The following PCDH9 variants were observed in gnomAD, a reference collection of about 807,000 sequenced individuals.
PCDH9 encodes the protein protocadherin-9.
In PCDH9, 24 loss-of-function variants were observed where a neutral mutation model predicts 70.6. The ratio of observed to expected loss-of-function variants is 0.34; its 90% CI spans 0.25 to 0.48. The LOEUF is 0.48. Ranked by LOEUF, PCDH9 falls within the 20% of genes least tolerant of loss-of-function variation. The pLI, the probability that PCDH9 is intolerant of heterozygous loss-of-function variation, is 0.99. For missense variants in PCDH9, 1,281 were observed against 1,503.6 expected (o/e 0.85, Z 2.45); for synonymous variants, 562 against 558.5 (o/e 1.01, Z -0.09).
At chr13:67,084,985 AAAAAAAAAAAAAATATATAT>A (rs1427060793) in intron 2 of PCDH9, among the ~76,000 whole-genome samples, 8 of 73,776 alleles carry the variant, frequency 1.1e-4, no homozygotes, top group African/African-American at 3.6e-4. Flanking sequence ...AAAAAAAAAA[AAAAAAAAAAAAAATATATAT>A]ATATATATAT....
chr13:66,599,162 G>A (rs897524760), intron 4 of PCDH9, among the ~76,000 whole-genome samples: 4 of 151,410 alleles, frequency 2.6e-5, no homozygotes, highest in African/African-American at 9.7e-5. Flanking sequence ...TTCATTTAGT[G>A]TTATTTTTAC....
At chr13:67,132,696 AT>A (rs1251658302) in intron 2 of PCDH9, among the ~76,000 whole-genome samples, 2 of 135,368 alleles carry the variant, frequency 1.5e-5, no homozygotes, top group Non-Finnish European at 3.3e-5. Context: ...AGAACATAGC[AT>A]TAAAAAAAAT....
At chr13:66,653,700 G>T (rs1451217554) in intron 3 of PCDH9, among the ~76,000 whole-genome samples, 1 of 152,034 alleles carries the variant, frequency 6.6e-6, no homozygotes, top group Non-Finnish European at 1.5e-5. Flanking sequence ...GGGCACGGTG[G>T]CTCATGCCTA....
At chr13:66,729,084 A>G (rs1408991617) in intron 3 of PCDH9, among the ~76,000 whole-genome samples, 2 of 152,100 alleles carry the variant, frequency 1.3e-5, no homozygotes, top group Non-Finnish European at 2.9e-5. Context: ...ATAGACATGG[A>G]TATCTATGAA....
intron 2 of PCDH9, among the ~76,000 whole-genome samples, chr13:67,007,964 G>C (rs574038771): frequency 1.5e-3 from 231 of 152,176 alleles, no homozygotes; most frequent in African/African-American, 4.6e-3. Flanking sequence ...CAATGGGAAG[G>C]CTTCAAATTG....
intron 4 of PCDH9, among the ~76,000 whole-genome samples, chr13:66,479,655 T>G (rs190533451): frequency 6.6e-6 from 1 of 151,714 alleles, no homozygotes; most frequent in African/African-American, 2.4e-5. Context: ...AATGCACCAA[T>G]CAGCAATCTG....
intron 3 of PCDH9, among the ~76,000 whole-genome samples, chr13:66,713,813 T>C (rs986322418): frequency 1.3e-5 from 2 of 151,754 alleles, no homozygotes; most frequent in Non-Finnish European, 2.9e-5. Flanking sequence ...ACAATGAAGA[T>C]AAACATCTTT....
chr13:66,771,100 C>T (rs2079800399), intron 3 of PCDH9, among the ~76,000 whole-genome samples: 2 of 152,044 alleles, frequency 1.3e-5, no homozygotes, highest in African/African-American at 4.8e-5. Flanking sequence ...GAGAAGAGGT[C>T]TTGCTAAGTT....
In PCDH9 at chr13:66,637,017, A is replaced by T. The variant is rs151031074; in HGVS notation, c.3139-5606T>A. 4.2e-3 allele frequency among the ~76,000 whole-genome samples: 636 copies of T among 152,258 alleles called. 20 individuals carry two copies. In the East Asian group the frequency reaches 0.08, roughly 19 times the overall value. The stretch of plus-strand genomic sequence containing the variant: ...GCATTTTAATACACATATTTCTTAT[A>T]ATATTCACTAGAAATATTTTGAACT... On this transcript the variant is annotated intron_variant, in intron 3 of 4. Coordinates refer to ENST00000377865, the MANE Select transcript of PCDH9 (RefSeq NM_203487.3).
intron 4 of PCDH9, among the ~76,000 whole-genome samples, chr13:66,491,815 C>G (rs1258191928): frequency 6.6e-6 from 1 of 152,122 alleles, no homozygotes; most frequent in African/African-American, 2.4e-5. Context: ...CTCTCTTCCT[C>G]TTTCCTTTAG....
chr13:67,096,781 A>G (rs1345562299), intron 2 of PCDH9, among the ~76,000 whole-genome samples: 1 of 152,058 alleles, frequency 6.6e-6, no homozygotes, highest in Non-Finnish European at 1.5e-5. Flanking sequence ...ATGGGGGGAA[A>G]CTGCATGTGT....
intron 2 of PCDH9, among the ~76,000 whole-genome samples, chr13:66,994,474 G>A (rs995013352): frequency 6.6e-6 from 1 of 152,194 alleles, no homozygotes; most frequent in Admixed American, 6.5e-5. Context: ...CACAAAGCTG[G>A]TGGGTTTGGA....
chr13:66,779,849 C>CTCTCTCTCTATATATATATA (rs1395244975), intron 3 of PCDH9, among the ~76,000 whole-genome samples: 3 of 78,916 alleles, frequency 3.8e-5, no homozygotes, highest in African/African-American at 1.5e-4. Context: ...CTCTCTCTCT[C>CTCTCTCTCTATATATATATA]TATATATATA....
chr13:66,481,745 A>G (rs1958841645), intron 4 of PCDH9, among the ~76,000 whole-genome samples: 1 of 152,190 alleles, frequency 6.6e-6, no homozygotes, highest in Non-Finnish European at 1.5e-5. Context: ...TTAGTTGTAG[A>G]TCTAATTACA....
At chr13:66,760,063 T>C (rs1312932958) in intron 3 of PCDH9, among the ~76,000 whole-genome samples, 2 of 151,894 alleles carry the variant, frequency 1.3e-5, no homozygotes, top group Non-Finnish European at 2.9e-5. Context: ...TTTGTTTTTC[T>C]GTGAAATTAT....
At chr13:67,063,206 A>G (rs1363085915) in intron 2 of PCDH9, among the ~76,000 whole-genome samples, 1 of 152,136 alleles carries the variant, frequency 6.6e-6, no homozygotes, top group East Asian at 1.9e-4. Context: ...TTGCTATGGC[A>G]TAGTGAGGTA....
At chr13:67,031,667 G>A (rs1331452498) in intron 2 of PCDH9, among the ~76,000 whole-genome samples, 2 of 152,214 alleles carry the variant, frequency 1.3e-5, no homozygotes, top group Non-Finnish European at 1.5e-5. Flanking sequence ...CTGGGTGACA[G>A]AGTGAGACTC....
At chr13:67,006,861 CTT>C (rs1322710782) in intron 2 of PCDH9, among the ~76,000 whole-genome samples, 1 of 151,986 alleles carries the variant, frequency 6.6e-6, no homozygotes, top group Non-Finnish European at 1.5e-5. Context: ...AATTTCATAA[CTT>C]ATTTATACAT....
chr13:66,824,545 C>T (rs968512028), intron 3 of PCDH9, among the ~76,000 whole-genome samples: 10 of 147,582 alleles, frequency 6.8e-5, no homozygotes, highest in African/African-American at 2.0e-4. Flanking sequence ...AATCCAGCTA[C>T]CCGGTAGGCT....
Sources: gnomAD v4.1 joint callset for allele counts (sites outside exome capture counted in the v4.1 genomes callset) on GRCh38, gnomAD v4.1.1 for gene constraint, MANE v1.5 for transcripts, NCBI Gene and HGNC (gene_info 2026-07-23, HGNC 2026-07-21) for gene names.